The following ITSN1 variants were observed in gnomAD, a reference collection of about 807,000 sequenced individuals.
ITSN1 encodes intersectin-1.
Under a neutral mutation model 239.8 loss-of-function variants are expected in ITSN1, and 58 were observed. That is an observed-to-expected ratio of 0.24 (90% CI 0.20 to 0.30). ITSN1 has a LOEUF of 0.30. ITSN1 is among the 10% of genes least tolerant of loss of function. The pLI, the probability that ITSN1 is intolerant of heterozygous loss-of-function variation, is 1.00. For missense variants in ITSN1, 1,558 were observed against 2,103.3 expected (o/e 0.74, Z 5.07); for synonymous variants, 780 against 770.8 (o/e 1.01, Z -0.20).
intron 14 of ITSN1, among the ~76,000 whole-genome samples, chr21:33,781,132 C>T (rs951185185): frequency 2.0e-5 from 3 of 152,100 alleles, no homozygotes; most frequent in African/African-American, 7.2e-5. Flanking sequence ...TGCATTTGAT[C>T]CCGGTGCCAT....
chr21:33,715,192 T>C (rs1601799752), intron 1 of ITSN1, among the ~76,000 whole-genome samples: 1 of 152,194 alleles, frequency 6.6e-6, no homozygotes, highest in East Asian at 1.9e-4. Context: ...ACAACTATTT[T>C]GTATAGCTTA....
At position 33,811,062 on chromosome 21, in the gene ITSN1, A is replaced by G. The variant is rs1436168446; in HGVS notation, c.2407A>G (p.Lys803Glu). The change falls in exon 21 of 40, where the codon AAA becomes GAA. Residue 803 changes from lysine to glutamate, a missense_variant. Physicochemically the swap from Lys to Glu is moderately conservative, Grantham distance 56 (BLOSUM62 1). This residue lies in a region of ITSN1 where 982 missense variants were observed against 1,209.9 expected (regional missense o/e 0.81). Coordinates refer to ENST00000381318, the MANE Select transcript of ITSN1 (RefSeq NM_003024.3). ...TGWFPANYAE[K>E]IPENEVPAPV... ...GTGGTTCCCTGCAAACTATGCAGAG[A>G]AAATCCCAGAAAATGAGGTTCCCGC... 2 of 1,614,224 alleles carry G rather than the reference A, an allele frequency of 1.2e-6. No individual in the cohort carries two copies. Among genetic ancestry groups the G allele is most frequent in the South Asian group, 2.2e-5 (2 of 91,086 alleles).
rs146556860 is a variant in ITSN1 at position 33,851,195 on chromosome 21, G to A, written c.3662-5541G>A. ...CCACCTTATCTCTTGCAGTGTCTCC[G>A]CGTCGACCTGGCACCTGGGTGAAGG... On this transcript the variant is annotated intron_variant, in intron 29 of 39. Transcript: ENST00000381318. Among the ~76,000 whole-genome samples the A allele has an allele frequency of 3.1e-3, 472 of 152,038 alleles. 3 individuals carry two copies. Among genetic ancestry groups the A allele is most frequent in the African/African-American group, 0.01 (427 of 41,450 alleles).
intron 29 of ITSN1, among the ~76,000 whole-genome samples, chr21:33,854,389 G>A (rs1277091999): frequency 1.3e-5 from 2 of 152,198 alleles, no homozygotes; most frequent in East Asian, 1.9e-4. Flanking sequence ...CTCTGCTTCC[G>A]TGAGAGGGCA....
At chr21:33,708,186 T>C (rs757540425) in intron 1 of ITSN1, among the ~76,000 whole-genome samples, 1 of 152,238 alleles carries the variant, frequency 6.6e-6, no homozygotes. Flanking sequence ...ATTTTACATC[T>C]CAGCCATTTC....
intron 1 of ITSN1, among the ~76,000 whole-genome samples, chr21:33,681,652 T>C (rs1394850539): frequency 6.6e-6 from 1 of 150,974 alleles, no homozygotes; most frequent in Non-Finnish European, 1.5e-5. Flanking sequence ...TTTTATTTTA[T>C]TTTATTTTTT....
chr21:33,777,877 T>C (rs1569159162), intron 14 of ITSN1, among the ~76,000 whole-genome samples: 2 of 152,232 alleles, frequency 1.3e-5, no homozygotes, highest in Admixed American at 6.5e-5. Flanking sequence ...TCCCTCTCGA[T>C]GAAGGAAAGC....
intron 1 of ITSN1, among the ~76,000 whole-genome samples, chr21:33,695,693 A>G (rs2091763660): frequency 6.6e-6 from 1 of 152,234 alleles, no homozygotes; most frequent in African/African-American, 2.4e-5. Context: ...TTTCTAAAGA[A>G]AATAAGAAAT....
At chr21:33,716,942 A>G (rs571565357) in intron 1 of ITSN1, among the ~76,000 whole-genome samples, 2 of 152,050 alleles carry the variant, frequency 1.3e-5, no homozygotes. Context: ...TCTCAAAAAA[A>G]AAAAAAAGTG....
intron 34 of ITSN1, among the ~76,000 whole-genome samples, chr21:33,877,261 C>T (rs1021020223): frequency 7.9e-5 from 12 of 151,934 alleles, no homozygotes; most frequent in Admixed American, 7.9e-4. Context: ...ACCATGTTGA[C>T]CAGTCTGGTC....
At chr21:33,724,654 G>T (rs2065707471) in intron 4 of ITSN1, among the ~76,000 whole-genome samples, 1 of 152,086 alleles carries the variant, frequency 6.6e-6, no homozygotes, top group Non-Finnish European at 1.5e-5. Flanking sequence ...TGTGGGCCAG[G>T]GACTGTTAAG....
intron 34 of ITSN1, among the ~76,000 whole-genome samples, chr21:33,881,263 C>T (rs1285298652): frequency 4.6e-5 from 7 of 151,966 alleles, no homozygotes; most frequent in African/African-American, 9.7e-5. Context: ...AAAAATTAGC[C>T]GGGCGTGGTC....
intron 1 of ITSN1, among the ~76,000 whole-genome samples, chr21:33,703,719 T>C (rs2092125484): frequency 6.6e-6 from 1 of 152,228 alleles, no homozygotes; most frequent in Non-Finnish European, 1.5e-5. Flanking sequence ...GATTTTTTTT[T>C]CACCTATCTT....
chr21:33,875,785 A>G (rs1181276170), intron 34 of ITSN1, among the ~76,000 whole-genome samples: 2 of 152,124 alleles, frequency 1.3e-5, no homozygotes, highest in African/African-American at 4.8e-5. Context: ...GGTTCCAGTG[A>G]TTCTCCTGCC....
intron 1 of ITSN1, chr21:33,716,493 C>CT (rs2065150904): frequency 6.6e-6 from 1 of 152,290 alleles, no homozygotes; most frequent in African/African-American, 2.4e-5. Context: ...CCTGGCAAAA[C>CT]TTAACAGCTT....
Position 33,888,139 on chromosome 21 carries a change from G to C in ITSN1, c.5018-13G>C. 4 of 1,613,910 alleles carry C rather than the reference G, an allele frequency of 2.5e-6. No homozygotes were observed. The highest frequency in any genetic ancestry group is 3.4e-6 in the Non-Finnish European group (4 of 1,179,876). On this transcript the variant is annotated splice_polypyrimidine_tract_variant and intron_variant, in intron 39 of 39. Transcript: ENST00000381318. ...TGGTCCCTCTTAGGAGGGTCTGTTT[G>C]TTCTCTTTTCAGATTTTTTGGGTCG...
At chr21:33,725,564 A>G (rs539320478) in intron 4 of ITSN1, among the ~76,000 whole-genome samples, 1 of 152,132 alleles carries the variant, frequency 6.6e-6, no homozygotes, top group African/African-American at 2.4e-5. Flanking sequence ...TGTGCCTTCT[A>G]GCGTGGGTGA....
chr21:33,711,928 A>G (rs1217867739), intron 1 of ITSN1, among the ~76,000 whole-genome samples: 1 of 152,190 alleles, frequency 6.6e-6, no homozygotes, highest in African/African-American at 2.4e-5. Flanking sequence ...AGACCCTAAT[A>G]GGAAAAATAA....
Position 33,885,540 on chromosome 21 carries a change from C to A in ITSN1, c.4843+18C>A, listed in dbSNP as rs183886987. On this transcript the variant is annotated intron_variant, in intron 38 of 39. Coordinates refer to ENST00000381318, the MANE Select transcript of ITSN1 (RefSeq NM_003024.3). Reference sequence around the variant, plus strand: ...GTCACATGGTAAGGCTGTGAGGCGCCCCCGGCTCCTGCTTTGGGGTTGGGA... The same window carrying A: ...GTCACATGGTAAGGCTGTGAGGCGCACCCGGCTCCTGCTTTGGGGTTGGGA... 33 of 1,609,422 alleles carry A rather than the reference C, an allele frequency of 2.1e-5. No individual in the cohort carries two copies. The Middle Eastern group carries it at 1.2e-3, about 57-fold the overall frequency.
Sources: gnomAD v4.1 joint callset for allele counts (sites outside exome capture counted in the v4.1 genomes callset) on GRCh38, gnomAD v4.1.1 for gene constraint, gnomAD v4.1.1 regional missense constraint, MANE v1.5 for transcripts, NCBI Gene and HGNC (gene_info 2026-07-23, HGNC 2026-07-21) for gene names.